The following FGF13 variants were observed in gnomAD, a reference collection of about 807,000 sequenced individuals.
The protein encoded by FGF13 is fibroblast growth factor homologous factor 2.
In FGF13, 2 loss-of-function variants were observed where a neutral mutation model predicts 19.5. The observed-to-expected ratio is 0.10, with a 90% CI of 0.04 to 0.32. FGF13 has a LOEUF of 0.32. Among genes scored for constraint, FGF13 ranks in the 10% least tolerant of loss-of-function variants. The probability of loss-of-function intolerance (pLI) is 1.00; values close to 1 mark genes in which losing one functional copy is unlikely to be tolerated. For missense variants in FGF13, 113 were observed against 192.7 expected, an observed-to-expected ratio of 0.59 and a Z score of 2.45; for synonymous variants, 72 against 76.9, an observed-to-expected ratio of 0.94 and a Z score of 0.33.
chrX:139,128,520 C>T, intron 1 of FGF13, among the ~76,000 whole-genome samples: 1 of 112,254 alleles, frequency 8.9e-6, no homozygotes, highest in Non-Finnish European at 1.9e-5. Context: ...CTGGTCTGGC[C>T]TCTGCCTAGT....
chrX:139,135,487 G>A (rs2083792351), intron 1 of FGF13, among the ~76,000 whole-genome samples: 1 of 112,307 alleles, frequency 8.9e-6, no homozygotes, highest in Non-Finnish European at 1.9e-5. Context: ...AGATGATCAT[G>A]TAAAAGCATA....
At chrX:138,818,290 A>C (rs916814440) in intron 3 of FGF13, among the ~76,000 whole-genome samples, 1 of 110,717 alleles carries the variant, frequency 9.0e-6, no homozygotes. Flanking sequence ...ACAAGTTGCT[A>C]TCCATTTCTA....
intron 1 of FGF13, among the ~76,000 whole-genome samples, chrX:138,959,849 C>CT (rs1478388205): frequency 1.8e-5 from 2 of 111,043 alleles, no homozygotes; most frequent in African/African-American, 6.5e-5. Context: ...GCAACCCCTG[C>CT]TTTTTTTTGT....
intron 3 of FGF13, among the ~76,000 whole-genome samples, chrX:138,818,027 T>C (rs144948799): frequency 0.012 from 1,385 of 111,600 alleles, 26 homozygotes; most frequent in African/African-American, 0.042. Context: ...ACTCCTGGTC[T>C]GTAACACTCA....
chrX:138,770,601 C>T (rs1288873576), intron 3 of FGF13, among the ~76,000 whole-genome samples: 1 of 111,490 alleles, frequency 9.0e-6, no homozygotes, highest in African/African-American at 3.3e-5. Flanking sequence ...CACCTACTAT[C>T]GTGGCACGTT....
At chrX:139,137,571 A>T (rs1938858705) in intron 1 of FGF13, among the ~76,000 whole-genome samples, 1 of 112,127 alleles carries the variant, frequency 8.9e-6, no homozygotes, top group Admixed American at 9.5e-5. Flanking sequence ...AGCCCACCCA[A>T]GTATTCCACT....
intron 1 of FGF13, among the ~76,000 whole-genome samples, chrX:138,918,702 G>A (rs1476950771): frequency 9.0e-6 from 1 of 111,525 alleles, no homozygotes; most frequent in Non-Finnish European, 1.9e-5. Flanking sequence ...ACACTGCAGT[G>A]TGAGAAGTAC....
chrX:138,730,917 G>T (rs2090225687), intron 1 of FGF13, among the ~76,000 whole-genome samples: 1 of 111,167 alleles, frequency 9.0e-6, no homozygotes. Context: ...AAGATGGTGT[G>T]GCTGTATAAC....
intron 1 of FGF13, among the ~76,000 whole-genome samples, chrX:139,193,098 G>C (rs1024562390): frequency 3.6e-5 from 4 of 110,337 alleles, no homozygotes; most frequent in Admixed American, 9.7e-5. Flanking sequence ...GGGTATGACT[G>C]TCCAATGCAT....
At chrX:139,204,240 CT>C, upstream of FGF13, 1 of 594,083 alleles carries the variant, frequency 1.7e-6, no homozygotes, top group Non-Finnish European at 2.7e-6. Flanking sequence ...GCGGAATCCG[CT>C]TTTCCCCACC....
In FGF13 at chrX:138,635,041, C is replaced by T. The variant is rs140311137; in HGVS notation, c.601+416G>A. ...GATAAAAAAATGTGGTATATATATA[C>T]ACCATGGAATACTACTCAGCCATAA... On this transcript the variant is annotated intron_variant, in intron 4 of 4. Transcript: ENST00000315930. Among the ~76,000 whole-genome samples the T allele has an allele frequency of 4.0e-3, 444 of 112,137 alleles. 3 individuals carry two copies. Among genetic ancestry groups the T allele is most frequent in the Middle Eastern group, 0.019 (4 of 215 alleles).
chrX:139,084,635 CATGAAT>C (rs1348501064), intron 1 of FGF13, among the ~76,000 whole-genome samples: 3 of 107,182 alleles, frequency 2.8e-5, no homozygotes, highest in Non-Finnish European at 5.7e-5. Context: ...TACTTCAGTC[CATGAAT>C]GGGAACCTTA....
At chrX:139,041,212 T>C (rs1437637758) in intron 1 of FGF13, among the ~76,000 whole-genome samples, 1 of 109,226 alleles carries the variant, frequency 9.2e-6, no homozygotes, top group Non-Finnish European at 1.9e-5. Flanking sequence ...GAACTTAAAA[T>C]AGAAATTGAA....
intron 1 of FGF13, among the ~76,000 whole-genome samples, chrX:139,159,670 A>C (rs1603226471): frequency 9.1e-6 from 1 of 109,500 alleles, no homozygotes; most frequent in East Asian, 2.8e-4. Flanking sequence ...AAAAAAAAAA[A>C]AACAGTGTGG....
intron 3 of FGF13, among the ~76,000 whole-genome samples, chrX:138,699,463 C>T (rs1372377342): frequency 9.1e-6 from 1 of 110,385 alleles, no homozygotes; most frequent in Non-Finnish European, 1.9e-5. Flanking sequence ...ACACACCCAC[C>T]CTTCCCTTCC....
intron 1 of FGF13, among the ~76,000 whole-genome samples, chrX:139,028,062 C>T (rs1199554905): frequency 3.6e-5 from 4 of 111,652 alleles, no homozygotes; most frequent in African/African-American, 9.8e-5. Context: ...GCACAGGTTC[C>T]TCCAATTGTA....
At chrX:138,836,160 C>T (rs1251363117) in intron 3 of FGF13, among the ~76,000 whole-genome samples, 1 of 110,810 alleles carries the variant, frequency 9.0e-6, no homozygotes, top group Non-Finnish European at 1.9e-5. Flanking sequence ...GATTATGTGT[C>T]TTGGGGATGA....
chrX:138,935,837 A>C (rs2091728695), intron 1 of FGF13, among the ~76,000 whole-genome samples: 1 of 111,989 alleles, frequency 8.9e-6, no homozygotes, highest in East Asian at 2.8e-4. Context: ...GGGTCTTTTC[A>C]AGAATGTCGT....
At chrX:138,778,170 C>T (rs1036937081) in intron 3 of FGF13, among the ~76,000 whole-genome samples, 1 of 101,631 alleles carries the variant, frequency 9.8e-6, no homozygotes, top group Non-Finnish European at 2.0e-5. Context: ...GAGTGCCAGA[C>T]AGTGGTATTT....
Sources: allele counts gnomAD v4.1 joint callset (sites outside exome capture counted in the v4.1 genomes callset), GRCh38; gene constraint gnomAD v4.1.1; transcripts MANE v1.5; gene names NCBI Gene and HGNC (gene_info 2026-07-23, HGNC 2026-07-21).